Variants in UNC13C observed in about 807,000 individuals in gnomAD.
UNC13C encodes the protein protein unc-13 homolog C.
A neutral mutation model predicts 245.4 loss-of-function variants in UNC13C; 174 were observed. The ratio of observed to expected loss-of-function variants is 0.71; its 90% CI spans 0.63 to 0.80. The LOEUF (loss-of-function observed/expected upper bound fraction) is 0.80. UNC13C is among the 30% of genes least tolerant of loss of function. The pLI, the probability that UNC13C is intolerant of heterozygous loss-of-function variation, is 0.00. For missense variants in UNC13C, 2,829 were observed against 2,602.9 expected, an observed-to-expected ratio of 1.09 and a Z score of -1.89; for synonymous variants, 992 against 895.1, an observed-to-expected ratio of 1.11 and a Z score of -1.93.
At chr15:54,615,193 A>C (rs1366885409) in intron 30 of UNC13C, among the ~76,000 whole-genome samples, 1 of 152,012 alleles carries the variant, frequency 6.6e-6, no homozygotes, top group Non-Finnish European at 1.5e-5. Context: ...CTCCTCAAGC[A>C]TTTATCCTTT....
At chr15:53,841,422 C>T in the UNC13C span, among the ~76,000 whole-genome samples, 25 of 151,994 alleles carry the variant, frequency 1.6e-4, no homozygotes, top group Non-Finnish European at 3.2e-4. Context: ...AAATATATAT[C>T]GTGTGGATGA....
chr15:54,455,169 C>CTCTCTCTCTCTCTCTCTCTCTCTA (rs1891410926), intron 19 of UNC13C, among the ~76,000 whole-genome samples: 4 of 21,630 alleles, frequency 1.8e-4, no homozygotes, highest in African/African-American at 6.6e-4. Context: ...ATATTCCTCT[C>CTCTCTCTCTCTCTCTCTCTCTCTA]TCTCTCTCTC....
intron 17 of UNC13C, among the ~76,000 whole-genome samples, chr15:54,354,670 G>T (rs1234406794): frequency 2.6e-5 from 4 of 152,162 alleles, no homozygotes; most frequent in Non-Finnish European, 5.9e-5. Flanking sequence ...GTGATAGTAA[G>T]AGGAACAAGG....
At position 54,207,453 on chromosome 15, in the gene UNC13C, C is replaced by G. The variant is rs149113179; in HGVS notation, c.3072-27577C>G. On this transcript the variant is annotated intron_variant, in intron 4 of 32. Transcript: ENST00000260323. ...CCATGAGCAGGAGGAGCATGAGGCCCTCACCACACATAGCTGCCCAATGTT... is the reference window on the plus strand; with the variant it reads ...CCATGAGCAGGAGGAGCATGAGGCCGTCACCACACATAGCTGCCCAATGTT... Among the ~76,000 whole-genome samples, 200 of 152,126 alleles carry G rather than the reference C, an allele frequency of 1.3e-3. 2 individuals are homozygous for G. Among genetic ancestry groups the G allele is most frequent in the Admixed American group, 9.3e-3 (141 of 15,228 alleles).
At chr15:54,234,204 A>AAT (rs2035627282) in intron 4 of UNC13C, among the ~76,000 whole-genome samples, 1 of 150,574 alleles carries the variant, frequency 6.6e-6, no homozygotes, top group African/African-American at 2.5e-5. Context: ...TGCGTTCATA[A>AAT]ACATATATAT....
intron 19 of UNC13C, among the ~76,000 whole-genome samples, chr15:54,492,935 G>A (rs1893784564): frequency 6.6e-6 from 1 of 152,174 alleles, no homozygotes; most frequent in Non-Finnish European, 1.5e-5. Context: ...ATAAGAGTAG[G>A]TGGTGTTACT....
At chr15:54,518,647 A>G (rs188093057) in intron 24 of UNC13C, among the ~76,000 whole-genome samples, 93 of 152,338 alleles carry the variant, frequency 6.1e-4, no homozygotes, top group African/African-American at 2.2e-3. Context: ...CCTACTAAGC[A>G]GAATAGTCCT....
chr15:54,290,743 A>G (rs187164406), intron 10 of UNC13C, among the ~76,000 whole-genome samples: 50 of 151,876 alleles, frequency 3.3e-4, no homozygotes, highest in Non-Finnish European at 5.3e-4. Flanking sequence ...TAGAAGCTCA[A>G]AAAAATTTGC....
At chr15:54,088,481 G>C (rs1280909750) in intron 2 of UNC13C, among the ~76,000 whole-genome samples, 2 of 152,084 alleles carry the variant, frequency 1.3e-5, no homozygotes, top group African/African-American at 4.8e-5. Flanking sequence ...GCTTTACATC[G>C]GATGGCGGTT....
chr15:54,120,233 A>G (rs1459896201), intron 2 of UNC13C, among the ~76,000 whole-genome samples: 1 of 152,174 alleles, frequency 6.6e-6, no homozygotes, highest in African/African-American at 2.4e-5. Flanking sequence ...TTCTCTTATT[A>G]GGAGTTAATG....
chr15:54,235,253 T>G, intron 5 of UNC13C, 145 bp downstream of exon 5: 1 of 571,256 alleles, frequency 1.8e-6, no homozygotes, highest in Non-Finnish European at 3.0e-6. Flanking sequence ...TGCTGTTATA[T>G]TTATTATTAT....
At chr15:54,195,846 G>T (rs1175984391) in intron 4 of UNC13C, among the ~76,000 whole-genome samples, 3 of 152,068 alleles carry the variant, frequency 2.0e-5, no homozygotes, top group Non-Finnish European at 4.4e-5. Context: ...CAAATTACCT[G>T]TTACTTGATA....
chr15:54,364,487 G>T (rs1207919519), intron 17 of UNC13C, among the ~76,000 whole-genome samples: 1 of 152,106 alleles, frequency 6.6e-6, no homozygotes, highest in Non-Finnish European at 1.5e-5. Flanking sequence ...GGGAGCTACT[G>T]GGGTTTAATG....
chr15:54,607,741 G>T (rs1450293519), intron 30 of UNC13C, among the ~76,000 whole-genome samples: 1 of 152,082 alleles, frequency 6.6e-6, no homozygotes, highest in East Asian at 1.9e-4. Context: ...AGACAGGAGA[G>T]ACAAAGGGAA....
At chr15:54,609,189 TGAGTA>T (rs1157336106) in intron 30 of UNC13C, among the ~76,000 whole-genome samples, 1 of 152,208 alleles carries the variant, frequency 6.6e-6, no homozygotes, top group African/African-American at 2.4e-5. Flanking sequence ...TGCTGCTGCT[TGAGTA>T]TTTTCCTGGG....
intron 4 of UNC13C, among the ~76,000 whole-genome samples, chr15:54,147,465 T>C (rs4369602): frequency 0.92 from 139,368 of 150,764 alleles, 65,292 homozygotes; most frequent in Non-Finnish European, 1. Context: ...GTGATCTGCC[T>C]GCCTCGGCCT....
Position 54,543,114 on chromosome 15 carries a change from C to T in UNC13C, c.5697-3608C>T, listed in dbSNP as rs1896322041. Among the ~76,000 whole-genome samples the T allele has an allele frequency of 3.3e-5, 5 of 152,214 alleles. No homozygotes were observed. The South Asian group carries it at 8.3e-4, about 25-fold the overall frequency. ...AGTGTCAATGGTCTTTAGAATTTGG[C>T]ATGTTTTTGCAGTGGCTGATACCAG... On this transcript the variant is annotated intron_variant, in intron 26 of 32. Coordinates refer to ENST00000260323, the MANE Select transcript of UNC13C (RefSeq NM_001080534.3).
At chr15:53,900,906 C>T in the UNC13C span, among the ~76,000 whole-genome samples, 21,000 of 151,990 alleles carry the variant, frequency 0.14, 1,534 homozygotes, top group East Asian at 0.27. Flanking sequence ...AAGGGTTTAA[C>T]GTACATTCAT....
chr15:54,164,629 C>T (rs1460864056), intron 4 of UNC13C, among the ~76,000 whole-genome samples: 2 of 152,210 alleles, frequency 1.3e-5, no homozygotes, highest in African/African-American at 4.8e-5. Context: ...AGCCGGGTTT[C>T]TAGAGCCATC....
Sources: gnomAD v4.1 joint callset for allele counts (sites outside exome capture counted in the v4.1 genomes callset) on GRCh38, gnomAD v4.1.1 for gene constraint, MANE v1.5 for transcripts, NCBI Gene and HGNC (gene_info 2026-07-23, HGNC 2026-07-21) for gene names.